GNB4: variants seen among roughly 807,000 people sequenced by gnomAD.
GNB4 encodes G protein subunit beta 4.
GNB4 carries 28 observed loss-of-function variants against 45.2 expected under a neutral mutation model. The observed-to-expected ratio is 0.62, with a 90% CI of 0.46 to 0.85. The LOEUF (loss-of-function observed/expected upper bound fraction) is 0.85. Among genes scored for constraint, GNB4 ranks in the 40% least tolerant of loss-of-function variants. The pLI, the probability that GNB4 is intolerant of heterozygous loss-of-function variation, is 0.00. For missense variants in GNB4, 321 were observed against 425.4 expected (o/e 0.75, Z 2.16); for synonymous variants, 132 against 143.7 (o/e 0.92, Z 0.58).
At chr3:179,467,746 G>A in the GNB4 span, among the ~76,000 whole-genome samples, 5 of 152,066 alleles carry the variant, frequency 3.3e-5, no homozygotes, top group African/African-American at 1.2e-4. Context: ...AAGGTAAAAT[G>A]ACTGATCTTA....
chr3:179,491,561 C>A, the GNB4 span, among the ~76,000 whole-genome samples: 1 of 152,168 alleles, frequency 6.6e-6, no homozygotes, highest in African/African-American at 2.4e-5. Context: ...CATATGGAAG[C>A]ATTCCGGAGC....
chr3:179,403,062 G>C (rs543642937), intron 9 of GNB4, among the ~76,000 whole-genome samples: 3 of 152,290 alleles, frequency 2.0e-5, no homozygotes, highest in Admixed American at 2.0e-4. Flanking sequence ...CAAACTGGCA[G>C]CCAGTTTATA....
chr3:179,439,013 C>G (rs1275496540), intron 1 of GNB4, among the ~76,000 whole-genome samples: 1 of 152,178 alleles, frequency 6.6e-6, no homozygotes, highest in African/African-American at 2.4e-5. Flanking sequence ...CTGTGGTTCT[C>G]AGAGTGTGGG....
chr3:179,419,829 G>A (rs1373405359), intron 3 of GNB4, among the ~76,000 whole-genome samples: 1 of 151,834 alleles, frequency 6.6e-6, no homozygotes, highest in African/African-American at 2.4e-5. Flanking sequence ...AAATCTAGAG[G>A]CAAATGATCA....
intron 5 of GNB4, 102 bp from the exon 6 acceptor site, chr3:179,415,149 T>A: frequency 1.2e-6 from 1 of 823,024 alleles, no homozygotes; most frequent in Non-Finnish European, 1.7e-6. Context: ...TAAACACATC[T>A]AAGAAAGATA....
the GNB4 span, among the ~76,000 whole-genome samples, chr3:179,515,327 A>G: frequency 6.6e-4 from 101 of 152,256 alleles, no homozygotes; most frequent in African/African-American, 2.4e-3. Context: ...CCACGTGAAG[A>G]GACCACCAAC....
the GNB4 span, among the ~76,000 whole-genome samples, chr3:179,507,878 G>A: frequency 6.6e-6 from 1 of 152,110 alleles, no homozygotes; most frequent in African/African-American, 2.4e-5. Context: ...CATATGATTG[G>A]CACATAGTTA....
intron 1 of GNB4, among the ~76,000 whole-genome samples, chr3:179,440,876 T>TAGAG (rs1358506608): frequency 3.6e-5 from 4 of 110,698 alleles, no homozygotes; most frequent in African/African-American, 1.7e-4. Flanking sequence ...TATATATAGA[T>TAGAG]AGATAGAGAG....
intron 1 of GNB4, among the ~76,000 whole-genome samples, chr3:179,442,698 C>T (rs1481436656): frequency 1.3e-5 from 2 of 151,916 alleles, no homozygotes; most frequent in Non-Finnish European, 2.9e-5. Flanking sequence ...CATCCTTGCT[C>T]ACCACTGCAG....
intron 2 of GNB4, among the ~76,000 whole-genome samples, chr3:179,421,720 C>T (rs1018730472): frequency 6.6e-6 from 1 of 152,230 alleles, no homozygotes; most frequent in African/African-American, 2.4e-5. Flanking sequence ...GGATGGCAGA[C>T]ATGATCTTTC....
At chr3:179,417,011 C>T (rs1371425167) in intron 4 of GNB4, among the ~76,000 whole-genome samples, 1 of 152,172 alleles carries the variant, frequency 6.6e-6, no homozygotes, top group Non-Finnish European at 1.5e-5. Flanking sequence ...AGGCCTCTAC[C>T]ATCTGGTGAA....
chr3:179,524,928 A>G, the GNB4 span, among the ~76,000 whole-genome samples: 1 of 152,048 alleles, frequency 6.6e-6, no homozygotes, highest in Non-Finnish European at 1.5e-5. Flanking sequence ...GAGGGGACAG[A>G]AGGATTATAG....
the GNB4 span, among the ~76,000 whole-genome samples, chr3:179,500,744 C>G: frequency 6.6e-6 from 1 of 152,110 alleles, no homozygotes; most frequent in African/African-American, 2.4e-5. Context: ...TTGTTTGTGT[C>G]CTCTCTTATT....
chr3:179,499,631 G>A, the GNB4 span, among the ~76,000 whole-genome samples: 1 of 152,136 alleles, frequency 6.6e-6, no homozygotes, highest in Non-Finnish European at 1.5e-5. Context: ...TGGGTCAAAT[G>A]GTATTTCTAG....
Position 179,440,843 on chromosome 3 carries a change from G to A in GNB4, c.-43+10503C>T, listed in dbSNP as rs116600489. 2.8e-3 allele frequency among the ~76,000 whole-genome samples: 427 copies of A among 149,926 alleles called. 2 individuals are homozygous for A. The highest frequency in any genetic ancestry group is 9.8e-3 in the African/African-American group (395 of 40,172). On this transcript the variant is annotated intron_variant, in intron 1 of 9. Coordinates refer to ENST00000232564, the MANE Select transcript of GNB4 (RefSeq NM_021629.4). ...AGTGTTGATATGTTTCTATTCTTTC[G>A]GTGTATTTTTTAAAAATTCCTATAT...
the GNB4 span, among the ~76,000 whole-genome samples, chr3:179,472,979 C>T: frequency 6.6e-6 from 1 of 152,140 alleles, no homozygotes; most frequent in African/African-American, 2.4e-5. Flanking sequence ...CTGGCTAACA[C>T]AGTGAAACCC....
chr3:179,507,907 T>A, the GNB4 span, among the ~76,000 whole-genome samples: 1 of 152,234 alleles, frequency 6.6e-6, no homozygotes, highest in Non-Finnish European at 1.5e-5. Context: ...AAAACGTTGA[T>A]GTTAACTGAA....
chr3:179,484,836 ATGTG>A, the GNB4 span, among the ~76,000 whole-genome samples: 1,430 of 147,076 alleles, frequency 9.7e-3, 32 homozygotes, highest in African/African-American at 0.032. Context: ...AGCTATATAT[ATGTG>A]TGTGTGTGTG....
chr3:179,474,306 C>G, the GNB4 span, among the ~76,000 whole-genome samples: 11 of 152,116 alleles, frequency 7.2e-5, no homozygotes, highest in Admixed American at 5.2e-4. Context: ...TCACTGCAAC[C>G]TCCTCCTCCC....
Sources: gnomAD v4.1 joint callset for allele counts (sites outside exome capture counted in the v4.1 genomes callset) on GRCh38, gnomAD v4.1.1 for gene constraint, MANE v1.5 for transcripts, NCBI Gene and HGNC (gene_info 2026-07-23, HGNC 2026-07-21) for gene names.